Variants in CD33 observed in about 807,000 individuals in gnomAD.
CD33 encodes the protein myeloid cell surface antigen CD33.
Under a neutral mutation model 31.4 loss-of-function variants are expected in CD33, and 25 were observed. That is an observed-to-expected ratio of 0.80 (90% CI 0.58 to 1.11). The LOEUF is 1.11. Ranked by LOEUF, CD33 falls within the 50% of genes most tolerant of loss-of-function variation. CD33 has a pLI of 0.00. For missense variants in CD33, 407 were observed against 448.1 expected (o/e 0.91, Z 0.83); for synonymous variants, 176 against 180.6 (o/e 0.97, Z 0.20).
At chr19:51,211,304 A>G in the CD33 span, 1 of 1,567,298 alleles carries the variant, frequency 6.4e-7, no homozygotes, top group South Asian at 1.1e-5. Context: ...ACTTTCTCCC[A>G]TCCCATACCC....
the CD33 span, among the ~76,000 whole-genome samples, chr19:51,217,240 TG>T: frequency 6.6e-6 from 1 of 151,304 alleles, no homozygotes; most frequent in Non-Finnish European, 1.5e-5. Flanking sequence ...AGGGTTGGAG[TG>T]AGGATGTGTT....
intron 4 of CD33, among the ~76,000 whole-genome samples, chr19:51,231,290 G>A (rs1438942607): frequency 6.6e-6 from 1 of 152,194 alleles, no homozygotes; most frequent in Non-Finnish European, 1.5e-5. Context: ...GGCCTTCACA[G>A]CCTCCATACT....
chr19:51,238,719 G>C (rs1981968977), intron 6 of CD33: 1 of 152,270 alleles, frequency 6.6e-6, no homozygotes, highest in Non-Finnish European at 1.5e-5. Flanking sequence ...GAGAGTTCAA[G>C]AGAGAATGGG....
the CD33 span, among the ~76,000 whole-genome samples, chr19:51,218,808 G>A: frequency 2.0e-5 from 3 of 152,004 alleles, no homozygotes; most frequent in Non-Finnish European, 4.4e-5. Context: ...TGTTTTTGTC[G>A]ACTTTGTCAA....
chr19:51,224,439 C>T (rs1233442134), upstream of CD33, among the ~76,000 whole-genome samples: 2 of 152,184 alleles, frequency 1.3e-5, no homozygotes, highest in Non-Finnish European at 2.9e-5. Context: ...ATCTGTGTTT[C>T]ACTGTCTGCT....
chr19:51,215,596 G>C, the CD33 span, among the ~76,000 whole-genome samples: 187 of 152,236 alleles, frequency 1.2e-3, 1 homozygote, highest in African/African-American at 4.4e-3. Flanking sequence ...ATATCGTGCT[G>C]GATGACTTCT....
the CD33 span, chr19:51,211,401 G>A: frequency 6.4e-7 from 1 of 1,569,788 alleles, no homozygotes; most frequent in East Asian, 2.2e-5. Context: ...CCACAAACAA[G>A]CTAGATCAAG....
intron 4 of CD33, among the ~76,000 whole-genome samples, chr19:51,229,646 T>C (rs1981272375): frequency 1.3e-5 from 2 of 152,156 alleles, no homozygotes; most frequent in Non-Finnish European, 2.9e-5. Flanking sequence ...TCCAGGAACT[T>C]ATCCATTTCT....
upstream of CD33, among the ~76,000 whole-genome samples, chr19:51,221,130 A>T (rs1212394858): frequency 6.6e-6 from 1 of 152,230 alleles, no homozygotes; most frequent in Non-Finnish European, 1.5e-5. Context: ...TTCTCAAAAA[A>T]ATATAGTACT....
At position 51,225,286 on chromosome 19, in the gene CD33, T is replaced by G; in HGVS notation, c.106T>G (p.Cys36Gly). ...QESVTVQEGL[C>G]VLVPCTFFHP... ...GTCAGTGACGGTACAGGAGGGTTTG[T>G]GCGTCCTCGTGCCCTGCACTTTCTT... Residue 36 changes from cysteine (C) to glycine (G), a missense_variant, in exon 2 of 7, where the codon TGC becomes GGC. By Grantham distance (159) the Cys-to-Gly change is radical (BLOSUM62 -3). Transcript: ENST00000262262. 4 of 1,614,174 alleles carry G rather than the reference T, an allele frequency of 2.5e-6. No individual in the cohort carries two copies. Among genetic ancestry groups the G allele is most frequent in the Non-Finnish European group, 3.4e-6 (4 of 1,180,018 alleles).
the CD33 span, chr19:51,212,205 C>T: frequency 2.8e-6 from 1 of 356,368 alleles, no homozygotes; most frequent in Admixed American, 3.7e-5. Flanking sequence ...AGGCCACAAG[C>T]CCTGTCTCTC....
chr19:51,215,522 G>A, the CD33 span, among the ~76,000 whole-genome samples: 1 of 152,166 alleles, frequency 6.6e-6, no homozygotes, highest in South Asian at 2.1e-4. Context: ...CAGCAGCTGT[G>A]GAGGCTGAAA....
Position 51,225,991 on chromosome 19 carries a change from C to G in CD33, c.607C>G (p.Pro203Ala), listed in dbSNP as rs1980995759. The G allele has an allele frequency of 6.2e-7, 1 of 1,614,086 alleles. No individual in the cohort carries two copies. The highest frequency in any genetic ancestry group is 8.5e-7 in the Non-Finnish European group (1 of 1,179,996). The change falls in exon 3 of 7, where the codon CCC (proline) becomes GCC (alanine). Residue 203 changes from proline to alanine, a missense_variant. Pro to Ala is a conservative substitution (Grantham distance 27). Coordinates refer to ENST00000262262, the MANE Select transcript of CD33 (RefSeq NM_001772.4). ...HSSVLIITPR[P>A]QDHGTNLTCQ... ...CTCGGTGCTCATAATCACCCCACGG[C>G]CCCAGGACCACGGCACCAACCTGAC...
intron 6 of CD33, chr19:51,236,283 G>A (rs1034782915): frequency 1.5e-5 from 3 of 195,284 alleles, no homozygotes; most frequent in South Asian, 9.5e-5. Context: ...AATGGGACAA[G>A]AGCCTTCACT....
At chr19:51,233,802 A>G (rs1254507601) in intron 4 of CD33, among the ~76,000 whole-genome samples, 8 of 152,264 alleles carry the variant, frequency 5.3e-5, no homozygotes, top group Admixed American at 5.2e-4. Context: ...GGACAAACCA[A>G]TCTGGGCTGG....
At chr19:51,214,417 C>G in the CD33 span, among the ~76,000 whole-genome samples, 7 of 150,158 alleles carry the variant, frequency 4.7e-5, no homozygotes, top group African/African-American at 1.7e-4. Flanking sequence ...AGGCTGGTCT[C>G]GAATTTCTGA....
At chr19:51,227,461 T>C (rs1001504137) in intron 4 of CD33, among the ~76,000 whole-genome samples, 1 of 152,232 alleles carries the variant, frequency 6.6e-6, no homozygotes, top group African/African-American at 2.4e-5. Context: ...TGCATTTCCC[T>C]GGTGATTGGT....
chr19:51,239,319 G>A (rs1034587104), intron 6 of CD33, 199 bp from the exon 7 acceptor site: 52 of 422,122 alleles, frequency 1.2e-4, no homozygotes, highest in African/African-American at 8.2e-4. Context: ...GTATTCAAGA[G>A]AATTGCGAAT....
chr19:51,239,897 TG>T lies in CD33; in HGVS notation c.*210del. On this transcript the variant is annotated 3_prime_UTR_variant, in exon 7 of 7. Coordinates refer to ENST00000262262, the MANE Select transcript of CD33 (RefSeq NM_001772.4). ...GCTCTTTCATTTGCTAAGTGTATGA[TG>T]TCACACAAGCTCCTTAACCTTCCAT... 1 of 425,374 alleles carries T rather than the reference TG, an allele frequency of 2.4e-6. No individual in the cohort carries two copies. Among genetic ancestry groups the T allele is most frequent in the Non-Finnish European group, 4.2e-6 (1 of 240,700 alleles). 26.3% of individuals were successfully genotyped at this position (425,374 alleles called of 1,614,324 possible).
Sources: gnomAD v4.1 joint callset for allele counts (sites outside exome capture counted in the v4.1 genomes callset) on GRCh38, gnomAD v4.1.1 for gene constraint, MANE v1.5 for transcripts, NCBI Gene and HGNC (gene_info 2026-07-23, HGNC 2026-07-21) for gene names.